The following PPFIBP2 variants were observed in gnomAD, a reference collection of about 807,000 sequenced individuals.
PPFIBP2 encodes PPFIB scaffold protein 2.
Under a neutral mutation model 118.3 loss-of-function variants are expected in PPFIBP2, and 118 were observed. The observed-to-expected ratio is 1.00, with a 90% CI of 0.86 to 1.16. The LOEUF is 1.16. PPFIBP2 is among the 50% of genes most tolerant of loss of function. The pLI, the probability that PPFIBP2 is intolerant of heterozygous loss-of-function variation, is 0.00. For missense variants in PPFIBP2, 1,195 were observed against 1,073.1 expected, an observed-to-expected ratio of 1.11 and a Z score of -1.59; for synonymous variants, 414 against 397.4, an observed-to-expected ratio of 1.04 and a Z score of -0.50.
chr11:7,636,035 A>G (rs981001899), intron 14 of PPFIBP2, among the ~76,000 whole-genome samples: 13 of 152,218 alleles, frequency 8.5e-5, no homozygotes, highest in African/African-American at 3.1e-4. Flanking sequence ...GATCTTCTCC[A>G]GGGAAGCCTG....
At position 7,648,576 on chromosome 11, in the gene PPFIBP2, C is replaced by A. The variant is rs750285413; in HGVS notation, c.1797+39C>A. 5 of 1,608,710 alleles carry A rather than the reference C, an allele frequency of 3.1e-6. No homozygotes were observed. The South Asian group carries it at 5.5e-5, about 18-fold the overall frequency. ...TTGGGGAGAGGAGGCTCCCATTTCT[C>A]CCCAAAGCATGGGGAGGCCAGGGTC... On this transcript the variant is annotated intron_variant, in intron 18 of 23. Coordinates refer to ENST00000299492, the MANE Select transcript of PPFIBP2 (RefSeq NM_003621.5).
At chr11:7,665,298 G>T in the PPFIBP2 span, 2 of 1,273,076 alleles carry the variant, frequency 1.6e-6, no homozygotes, top group Non-Finnish European at 2.1e-6. Context: ...AAACATCCCA[G>T]TTTACCGTGG....
intron 1 of PPFIBP2, among the ~76,000 whole-genome samples, chr11:7,547,440 A>AGAGCAGTGGGAAGAGCAGTGGAAAG (rs1852447801): frequency 2.6e-5 from 4 of 152,192 alleles, no homozygotes; most frequent in Admixed American, 2.6e-4. Context: ...TTTTCCCCTT[A>AGAGCAGTGGGAAGAGCAGTGGAAAG]GAGAAAGAGC....
At chr11:7,534,319 T>A (rs890014496) in intron 1 of PPFIBP2, among the ~76,000 whole-genome samples, 2 of 152,224 alleles carry the variant, frequency 1.3e-5, no homozygotes, top group African/African-American at 4.8e-5. Flanking sequence ...AAATGCATCC[T>A]CTTACCCATC....
intron 1 of PPFIBP2, among the ~76,000 whole-genome samples, chr11:7,547,425 T>C (rs1206325060): frequency 6.6e-6 from 1 of 152,138 alleles, no homozygotes; most frequent in African/African-American, 2.4e-5. Flanking sequence ...GTAAGGAGTT[T>C]GGAATTTTCC....
chr11:7,565,279 A>G (rs907445026), intron 2 of PPFIBP2, among the ~76,000 whole-genome samples: 1 of 152,164 alleles, frequency 6.6e-6, no homozygotes, highest in Non-Finnish European at 1.5e-5. Context: ...TCTTTATTTA[A>G]AGATGGGGTC....
the PPFIBP2 span, among the ~76,000 whole-genome samples, chr11:7,662,395 C>T: frequency 6.6e-6 from 1 of 152,078 alleles, no homozygotes; most frequent in Non-Finnish European, 1.5e-5. Context: ...TTTATTTCTC[C>T]TTCACTTATG....
Position 7,631,000 on chromosome 11 carries a change from A to C in PPFIBP2, c.1040A>C (p.Lys347Thr), listed in dbSNP as rs759414586. 6.2e-7 allele frequency: 1 copy of C among 1,613,858 alleles called. No individual in the cohort carries two copies. Among genetic ancestry groups the C allele is most frequent in the South Asian group, 1.1e-5 (1 of 91,074 alleles). Residue 347 changes from lysine (K) to threonine (T), a missense_variant, in exon 11 of 24, where the codon AAG becomes ACG. Coordinates refer to ENST00000299492, the MANE Select transcript of PPFIBP2 (RefSeq NM_003621.5). Reference sequence around the variant, plus strand: ...TTCAGCAAGTGGAACGCTACAAATAAGGACCCTGAAGAATTATTTAAACAA... The same window carrying C: ...TTCAGCAAGTGGAACGCTACAAATACGGACCCTGAAGAATTATTTAAACAA... ...GGFSKWNATN[K>T]DPEELFKQEM... is the part of the protein sequence containing the mutation.
intron 2 of PPFIBP2, among the ~76,000 whole-genome samples, chr11:7,550,269 A>C (rs1372744265): frequency 6.6e-6 from 1 of 152,202 alleles, no homozygotes; most frequent in Non-Finnish European, 1.5e-5. Flanking sequence ...CCTCATTGGT[A>C]GATTGGATGT....
intron 1 of PPFIBP2, among the ~76,000 whole-genome samples, chr11:7,532,586 G>T (rs546003454): frequency 1.0e-3 from 156 of 152,316 alleles, no homozygotes; most frequent in South Asian, 1.7e-3. Context: ...AGGCTCTCTG[G>T]CAGCAGTAGT....
chr11:7,530,801 A>G (rs1038185508), intron 1 of PPFIBP2, among the ~76,000 whole-genome samples: 2 of 151,186 alleles, frequency 1.3e-5, no homozygotes, highest in Non-Finnish European at 3.0e-5. Flanking sequence ...TTGGGAAGAA[A>G]GGAGCCTCAG....
chr11:7,553,350 G>A (rs1253806446), intron 2 of PPFIBP2, among the ~76,000 whole-genome samples: 3 of 152,168 alleles, frequency 2.0e-5, no homozygotes, highest in African/African-American at 4.8e-5. Flanking sequence ...TTACTAGTGA[G>A]TATCTGGAGG....
intron 5 of PPFIBP2, among the ~76,000 whole-genome samples, chr11:7,602,087 C>CAAAAAAAAAAAAAAAA (rs201003988): frequency 3.2e-4 from 18 of 56,172 alleles, no homozygotes; most frequent in East Asian, 4.3e-4. Context: ...GAATGAAACT[C>CAAAAAAAAAAAAAAAA]AAAAAAAAAA....
chr11:7,594,397 C>G (rs1241827213), intron 4 of PPFIBP2, among the ~76,000 whole-genome samples: 1 of 152,116 alleles, frequency 6.6e-6, no homozygotes, highest in East Asian at 1.9e-4. Flanking sequence ...AATTGGGTAT[C>G]TACAACTTGT....
At chr11:7,577,318 TGC>T (rs1417909340) in intron 3 of PPFIBP2, 7 of 277,244 alleles carry the variant, frequency 2.5e-5, no homozygotes, top group African/African-American at 7.6e-5. Context: ...TGCATGTATG[TGC>T]GTGTGTGTGT....
chr11:7,603,746 G>T (rs1017141788), intron 5 of PPFIBP2, among the ~76,000 whole-genome samples: 8 of 152,152 alleles, frequency 5.3e-5, no homozygotes, highest in African/African-American at 1.9e-4. Flanking sequence ...TCTCTTAGAA[G>T]AAGTATTTGT....
chr11:7,639,891 C>G (rs759462483), intron 15 of PPFIBP2, 21 bp downstream of exon 15: 3 of 1,609,350 alleles, frequency 1.9e-6, no homozygotes, highest in Non-Finnish European at 2.5e-6. Context: ...AGCCCTGGTG[C>G]TGGTGGCCTC....
intron 3 of PPFIBP2, chr11:7,568,953 G>A (rs1210794423): frequency 6.6e-6 from 1 of 152,236 alleles, no homozygotes; most frequent in Non-Finnish European, 1.5e-5. Flanking sequence ...ACTGTTAGCA[G>A]AGGGGAGGGA....
At chr11:7,623,929 C>T (rs986137028) in intron 7 of PPFIBP2, among the ~76,000 whole-genome samples, 1 of 152,214 alleles carries the variant, frequency 6.6e-6, no homozygotes, top group Non-Finnish European at 1.5e-5. Context: ...TGATAAACTG[C>T]TCCATAGCTG....
Sources: gnomAD v4.1 joint callset for allele counts (sites outside exome capture counted in the v4.1 genomes callset) on GRCh38, gnomAD v4.1.1 for gene constraint, MANE v1.5 for transcripts, NCBI Gene and HGNC (gene_info 2026-07-23, HGNC 2026-07-21) for gene names.